The following PTPRG variants were observed in gnomAD, a reference collection of about 807,000 sequenced individuals.
PTPRG encodes the protein protein tyrosine phosphatase receptor type G.
A neutral mutation model predicts 165.3 loss-of-function variants in PTPRG; 102 were observed. The ratio of observed to expected loss-of-function variants is 0.62; its 90% confidence interval spans 0.53 to 0.73. PTPRG has a LOEUF of 0.73. Ranked by LOEUF, PTPRG falls within the 30% of genes least tolerant of loss-of-function variation. The pLI is 0.00. For missense variants in PTPRG, 1,866 were observed against 1,861.4 expected (o/e 1.00, Z -0.05); for synonymous variants, 675 against 669.5 (o/e 1.01, Z -0.13).
At chr3:62,004,717 A>G (rs900150145) in intron 4 of PTPRG, among the ~76,000 whole-genome samples, 1 of 152,204 alleles carries the variant, frequency 6.6e-6, no homozygotes, top group Non-Finnish European at 1.5e-5. Flanking sequence ...TGTTTCAGTA[A>G]CAGTTCCAGC....
At chr3:62,221,844 T>C (rs1043012050) in intron 13 of PTPRG, among the ~76,000 whole-genome samples, 2 of 152,238 alleles carry the variant, frequency 1.3e-5, no homozygotes, top group Non-Finnish European at 2.9e-5. Flanking sequence ...AATAGGTTCA[T>C]GAAATAGTGG....
At chr3:61,855,022 G>A (rs2037061159) in intron 2 of PTPRG, among the ~76,000 whole-genome samples, 1 of 152,200 alleles carries the variant, frequency 6.6e-6, no homozygotes, top group Admixed American at 6.5e-5. Flanking sequence ...GGAGATGGCT[G>A]TGATTTAATT....
At chr3:61,617,828 T>C (rs1391204695) in intron 1 of PTPRG, among the ~76,000 whole-genome samples, 1 of 152,232 alleles carries the variant, frequency 6.6e-6, no homozygotes, top group Admixed American at 6.5e-5. Context: ...CTATATCTTC[T>C]TTGTTGTGTC....
At chr3:61,713,043 C>T (rs2031639369) in intron 1 of PTPRG, among the ~76,000 whole-genome samples, 1 of 152,094 alleles carries the variant, frequency 6.6e-6, no homozygotes, top group Non-Finnish European at 1.5e-5. Flanking sequence ...CTTTCATCAG[C>T]CATGTTTTGT....
At chr3:62,061,111 C>A (rs1479802071) in intron 4 of PTPRG, among the ~76,000 whole-genome samples, 2 of 152,178 alleles carry the variant, frequency 1.3e-5, no homozygotes, top group Non-Finnish European at 2.9e-5. Context: ...CTAAGGTAGC[C>A]TGTTTTAGCA....
chr3:62,129,001 A>G (rs990633457), intron 5 of PTPRG, among the ~76,000 whole-genome samples: 1 of 152,078 alleles, frequency 6.6e-6, no homozygotes, highest in African/African-American at 2.4e-5. Flanking sequence ...TTAGTAAGTT[A>G]CTTTGACCAG....
At chr3:62,246,134 C>T (rs1038314249) in intron 15 of PTPRG, among the ~76,000 whole-genome samples, 3 of 152,152 alleles carry the variant, frequency 2.0e-5, no homozygotes, top group African/African-American at 4.8e-5. Context: ...AAGAAGACTG[C>T]TTCACATTCT....
intron 12 of PTPRG, among the ~76,000 whole-genome samples, chr3:62,211,732 T>C (rs539475627): frequency 6.6e-6 from 1 of 152,300 alleles, no homozygotes; most frequent in African/African-American, 2.4e-5. Context: ...AAGCTAGTTT[T>C]AGTCTTGACA....
At chr3:61,660,193 C>T (rs1348865923) in intron 1 of PTPRG, among the ~76,000 whole-genome samples, 2 of 152,150 alleles carry the variant, frequency 1.3e-5, no homozygotes, top group Admixed American at 6.5e-5. Context: ...CCACTGCACT[C>T]CAGCCTGGCG....
At chr3:61,680,266 C>T (rs187894828) in intron 1 of PTPRG, among the ~76,000 whole-genome samples, 1 of 152,070 alleles carries the variant, frequency 6.6e-6, no homozygotes, top group East Asian at 1.9e-4. Flanking sequence ...GTGAAGTCGC[C>T]TTCAGATGGC....
chr3:61,893,608 AG>A (rs2038274763), intron 2 of PTPRG, among the ~76,000 whole-genome samples: 1 of 152,196 alleles, frequency 6.6e-6, no homozygotes, highest in African/African-American at 2.4e-5. Flanking sequence ...TTGGTAAGAC[AG>A]GTTTTCTTTC....
intron 16 of PTPRG, among the ~76,000 whole-genome samples, chr3:62,258,067 C>T (rs887576877): frequency 1.3e-5 from 2 of 151,976 alleles, no homozygotes; most frequent in African/African-American, 2.4e-5. Context: ...TGCCTCGGTG[C>T]CTTAACAATA....
chr3:61,563,046 G>C (rs1699803560), intron 1 of PTPRG, among the ~76,000 whole-genome samples: 1 of 152,068 alleles, frequency 6.6e-6, no homozygotes, highest in South Asian at 2.1e-4. Flanking sequence ...CGGTTTCGGA[G>C]AGATCCGTGT....
intron 3 of PTPRG, among the ~76,000 whole-genome samples, chr3:61,998,644 G>T (rs2041097514): frequency 6.6e-6 from 1 of 152,190 alleles, no homozygotes; most frequent in African/African-American, 2.4e-5. Context: ...AGAAGGTATA[G>T]ACCTCCAGAG....
chr3:62,052,602 G>A (rs531246696), intron 4 of PTPRG, among the ~76,000 whole-genome samples: 1 of 152,268 alleles, frequency 6.6e-6, no homozygotes, highest in East Asian at 1.9e-4. Context: ...GGCTGAGTCA[G>A]GAAGATCACC....
In PTPRG at chr3:62,195,187, C is replaced by T. The variant is rs779587006; in HGVS notation, c.1327+17C>T. The T allele has an allele frequency of 1.2e-6, 2 of 1,610,208 alleles. No individual in the cohort carries two copies. The highest frequency in any genetic ancestry group is 2.2e-5 in the East Asian group (1 of 44,842). Reference sequence around the variant, plus strand: ...TGTTTCAAGGTGAGGCTGGCTTCCCCTCCTGTGGCCGGGGTGCCCCTGAGA... The same window carrying T: ...TGTTTCAAGGTGAGGCTGGCTTCCCTTCCTGTGGCCGGGGTGCCCCTGAGA... On this transcript the variant is annotated intron_variant, in intron 10 of 29. Transcript: ENST00000474889. This position sits in a 1 kb window ranked among gnomAD's most constrained non-coding sequence, Gnocchi z 4.4.
intron 2 of PTPRG, among the ~76,000 whole-genome samples, chr3:61,968,464 C>T (rs2040318403): frequency 6.6e-6 from 1 of 152,046 alleles, no homozygotes; most frequent in African/African-American, 2.4e-5. Flanking sequence ...CTTAGATTCC[C>T]ACATGTAGAC....
intron 1 of PTPRG, among the ~76,000 whole-genome samples, chr3:61,694,792 C>T (rs2030462756): frequency 6.6e-6 from 1 of 152,154 alleles, no homozygotes; most frequent in Non-Finnish European, 1.5e-5. Flanking sequence ...TGAAAAGAGG[C>T]TATGTGCAGA....
chr3:62,007,328 C>T (rs1191950824), intron 4 of PTPRG, among the ~76,000 whole-genome samples: 1 of 152,232 alleles, frequency 6.6e-6, no homozygotes, highest in African/African-American at 2.4e-5. Flanking sequence ...GTAGTTCCTA[C>T]ACTTAAAAAC....
Sources: allele counts gnomAD v4.1 joint callset (sites outside exome capture counted in the v4.1 genomes callset), GRCh38; gene constraint gnomAD v4.1.1; non-coding constraint Gnocchi (gnomAD v3.1); transcripts MANE v1.5; gene names NCBI Gene and HGNC (gene_info 2026-07-23, HGNC 2026-07-21).